The following GALNT13 variants were observed in gnomAD, a reference collection of about 807,000 sequenced individuals.
The protein encoded by GALNT13 is UDP-GalNAc:polypeptide N-acetylgalactosaminyltransferase 13.
GALNT13 carries 28 observed loss-of-function variants against 64.2 expected under a neutral mutation model. The observed-to-expected ratio is 0.44, with a 90% CI of 0.32 to 0.60. The LOEUF (loss-of-function observed/expected upper bound fraction) is 0.60, where lower values mean the gene tolerates loss of function less well. Ranked by LOEUF, GALNT13 falls within the 20% of genes least tolerant of loss-of-function variation. The probability of loss-of-function intolerance (pLI) is 0.05; values close to 1 mark genes in which losing one functional copy is unlikely to be tolerated. For missense variants in GALNT13, 577 were observed against 669.8 expected, an observed-to-expected ratio of 0.86 and a Z score of 1.53; for synonymous variants, 214 against 224.6, an observed-to-expected ratio of 0.95 and a Z score of 0.42.
the GALNT13 span, among the ~76,000 whole-genome samples, chr2:153,094,889 G>A: frequency 2.6e-5 from 4 of 152,032 alleles, no homozygotes; most frequent in African/African-American, 9.7e-5. Context: ...AAATTAATTC[G>A]AGATGGATTA....
At chr2:153,199,862 G>A in the GALNT13 span, among the ~76,000 whole-genome samples, 2 of 152,192 alleles carry the variant, frequency 1.3e-5, no homozygotes, top group African/African-American at 4.8e-5. Flanking sequence ...GTATTCATGG[G>A]AGGAATGAAG....
chr2:154,274,771 CA>C (rs1234987583), intron 8 of GALNT13, among the ~76,000 whole-genome samples: 1 of 151,832 alleles, frequency 6.6e-6, no homozygotes, highest in African/African-American at 2.4e-5. Context: ...CTGGGGGTAC[CA>C]AAAAGATACC....
chr2:153,182,217 T>A, the GALNT13 span, among the ~76,000 whole-genome samples: 2 of 151,968 alleles, frequency 1.3e-5, no homozygotes, highest in African/African-American at 4.8e-5. Flanking sequence ...CTAATTTTTT[T>A]GTATTTTTAG....
At chr2:153,420,770 T>A in the GALNT13 span, 1 of 231,070 alleles carries the variant, frequency 4.3e-6, no homozygotes. Flanking sequence ...AAAATGCTTC[T>A]TCTCCCATCT....
At chr2:153,527,088 A>T in the GALNT13 span, among the ~76,000 whole-genome samples, 1 of 152,158 alleles carries the variant, frequency 6.6e-6, no homozygotes, top group Non-Finnish European at 1.5e-5. Context: ...ATTGGCCTTA[A>T]AGAGGAGGTA....
chr2:154,259,275 A>G (rs1286114948), intron 8 of GALNT13, 137 bp downstream of exon 8: 13 of 642,966 alleles, frequency 2.0e-5, no homozygotes, highest in African/African-American at 1.9e-4. Context: ...CTTAATTCAC[A>G]TTTTGATTTG....
chr2:153,612,785 A>G, the GALNT13 span, among the ~76,000 whole-genome samples: 10 of 152,188 alleles, frequency 6.6e-5, no homozygotes, highest in South Asian at 2.1e-4. Flanking sequence ...CAAAAGAAAA[A>G]GGCAGGTTAT....
the GALNT13 span, among the ~76,000 whole-genome samples, chr2:153,861,544 TC>T: frequency 2.0e-5 from 3 of 148,876 alleles, no homozygotes; most frequent in African/African-American, 7.4e-5. Context: ...TTTTCTCTTT[TC>T]TTTTTCTTTC....
At chr2:153,933,452 G>A (rs1263412377) in intron 2 of GALNT13, among the ~76,000 whole-genome samples, 1 of 152,128 alleles carries the variant, frequency 6.6e-6, no homozygotes, top group Non-Finnish European at 1.5e-5. Flanking sequence ...GAGCCTATGG[G>A]TATCATTGCA....
chr2:153,900,132 C>T (rs746325093), intron 1 of GALNT13, among the ~76,000 whole-genome samples: 4 of 151,548 alleles, frequency 2.6e-5, no homozygotes, highest in South Asian at 2.1e-4. Context: ...GACAGGGTTT[C>T]GCCATGTTGG....
intron 12 of GALNT13, among the ~76,000 whole-genome samples, chr2:154,440,238 G>T (rs1205333718): frequency 6.6e-6 from 1 of 152,142 alleles, no homozygotes; most frequent in Non-Finnish European, 1.5e-5. Context: ...AAAGGGGAAT[G>T]ATCGTGTACA....
chr2:153,688,823 C>A, the GALNT13 span, among the ~76,000 whole-genome samples: 1 of 151,874 alleles, frequency 6.6e-6, no homozygotes, highest in Non-Finnish European at 1.5e-5. Flanking sequence ...AGATGTAATA[C>A]AATGTATTGT....
At chr2:154,025,936 A>G (rs1574362687) in intron 3 of GALNT13, among the ~76,000 whole-genome samples, 3 of 152,254 alleles carry the variant, frequency 2.0e-5, no homozygotes, top group Admixed American at 2.0e-4. Context: ...TTAGAAAGGC[A>G]GGCAGGACTC....
At chr2:154,139,278 T>C (rs2105575271) in intron 3 of GALNT13, among the ~76,000 whole-genome samples, 1 of 152,174 alleles carries the variant, frequency 6.6e-6, no homozygotes, top group East Asian at 1.9e-4. Context: ...TATTCATACA[T>C]TATTTTAGAA....
the GALNT13 span, among the ~76,000 whole-genome samples, chr2:153,746,291 G>A: frequency 1.3e-5 from 2 of 152,036 alleles, no homozygotes; most frequent in African/African-American, 2.4e-5. Flanking sequence ...CCTCCCAAAA[G>A]TTACCACTAT....
chr2:154,216,882 T>C (rs1688075207), intron 4 of GALNT13, among the ~76,000 whole-genome samples: 1 of 142,772 alleles, frequency 7.0e-6, no homozygotes, highest in Non-Finnish European at 1.5e-5. Flanking sequence ...TGATTATAGC[T>C]CATTGCCTCA....
At chr2:153,505,904 C>T in the GALNT13 span, among the ~76,000 whole-genome samples, 3,581 of 152,206 alleles carry the variant, frequency 0.024, 45 homozygotes, top group Middle Eastern at 0.051. Context: ...AGTCCATTGT[C>T]TCACAGTTTA....
chr2:153,235,327 A>G, the GALNT13 span, among the ~76,000 whole-genome samples: 1 of 152,188 alleles, frequency 6.6e-6, no homozygotes, highest in African/African-American at 2.4e-5. Context: ...AGAGTTTATT[A>G]CAAAGCAAAA....
chr2:154,223,745 G>A (rs1457887332), intron 4 of GALNT13, among the ~76,000 whole-genome samples: 1 of 151,930 alleles, frequency 6.6e-6, no homozygotes, highest in East Asian at 1.9e-4. Flanking sequence ...TTTGTCACCT[G>A]GGATTTTCAT....
Sources: allele counts gnomAD v4.1 joint callset (sites outside exome capture counted in the v4.1 genomes callset), GRCh38; gene constraint gnomAD v4.1.1; transcripts MANE v1.5; gene names NCBI Gene and HGNC (gene_info 2026-07-23, HGNC 2026-07-21).